PTPRG: variants seen among roughly 807,000 people sequenced by gnomAD.
PTPRG encodes the protein receptor-type tyrosine-protein phosphatase gamma.
PTPRG carries 102 observed loss-of-function variants against 165.3 expected under a neutral mutation model. That is an observed-to-expected ratio of 0.62 (90% CI 0.53 to 0.73). The LOEUF (loss-of-function observed/expected upper bound fraction) is 0.73. Among genes scored for constraint, PTPRG ranks in the 30% least tolerant of loss-of-function variants. The pLI is 0.00. For synonymous variants in PTPRG, 675 were observed against 669.5 expected (o/e 1.01, Z -0.13); for missense variants, 1,866 against 1,861.4 (o/e 1.00, Z -0.05).
At chr3:62,279,671 C>T (rs1449750798) in intron 26 of PTPRG, among the ~76,000 whole-genome samples, 1 of 151,960 alleles carries the variant, frequency 6.6e-6, no homozygotes, top group Non-Finnish European at 1.5e-5. Flanking sequence ...TAGACTAAAC[C>T]CAGTTGCTAA....
At chr3:62,275,156 T>C (rs1332925918) in intron 23 of PTPRG, among the ~76,000 whole-genome samples, 1 of 152,170 alleles carries the variant, frequency 6.6e-6, no homozygotes, top group Non-Finnish European at 1.5e-5. Context: ...TCAACCAAGC[T>C]ACATAAACAG....
At chr3:61,960,090 T>C (rs892796931) in intron 2 of PTPRG, among the ~76,000 whole-genome samples, 1 of 152,202 alleles carries the variant, frequency 6.6e-6, no homozygotes, top group African/African-American at 2.4e-5. Context: ...TTGATATTTT[T>C]ATTTCACATT....
At chr3:62,144,928 A>G (rs966892516) in intron 6 of PTPRG, among the ~76,000 whole-genome samples, 1 of 152,014 alleles carries the variant, frequency 6.6e-6, no homozygotes, top group African/African-American at 2.4e-5. Context: ...TTGTTTGTCA[A>G]TATTTTATCG....
At chr3:62,265,039 A>AT (rs1387153267) in intron 17 of PTPRG, among the ~76,000 whole-genome samples, 2 of 150,898 alleles carry the variant, frequency 1.3e-5, no homozygotes, top group African/African-American at 2.4e-5. Context: ...GTCCCCAATT[A>AT]TTAGTGATGT....
At chr3:62,073,595 C>G (rs1432300803) in intron 4 of PTPRG, among the ~76,000 whole-genome samples, 2 of 152,082 alleles carry the variant, frequency 1.3e-5, no homozygotes, top group African/African-American at 4.8e-5. Flanking sequence ...TCTCCTGCCT[C>G]AGCCTCCCAA....
intron 19 of PTPRG, among the ~76,000 whole-genome samples, chr3:62,268,536 C>G (rs1037159811): frequency 1.3e-5 from 2 of 152,050 alleles, no homozygotes; most frequent in African/African-American, 4.8e-5. Context: ...AAAGAACCTA[C>G]GCTTCAGGTT....
rs575550698 is a variant in PTPRG at position 62,168,171 on chromosome 3, T to A, written c.1033+8T>A. 1.2e-6 allele frequency: 2 copies of A among 1,601,428 alleles called. No homozygotes were observed. Among genetic ancestry groups the A allele is most frequent in the Non-Finnish European group, 1.7e-6 (2 of 1,173,540 alleles). On this transcript the variant is annotated splice_region_variant and intron_variant, in intron 8 of 29. Transcript: ENST00000474889. The stretch of plus-strand genomic sequence containing the variant: ...GGACAGAAGCCTCTAAAGGTATATT[T>A]GGCTTAAGTGCCTTGCCCAGAGGAA...
At chr3:61,876,423 C>T (rs1311195239) in intron 2 of PTPRG, among the ~76,000 whole-genome samples, 2 of 152,174 alleles carry the variant, frequency 1.3e-5, no homozygotes, top group African/African-American at 2.4e-5. Flanking sequence ...CTGTCACGCT[C>T]GTGTCAATTT....
chr3:61,634,353 C>T (rs1200322876), intron 1 of PTPRG, among the ~76,000 whole-genome samples: 2 of 152,000 alleles, frequency 1.3e-5, no homozygotes, highest in Non-Finnish European at 2.9e-5. Context: ...TTCTTCTTGC[C>T]TCAGCCTCCC....
intron 4 of PTPRG, among the ~76,000 whole-genome samples, chr3:62,056,911 C>G (rs758645828): frequency 5.9e-5 from 9 of 152,052 alleles, no homozygotes; most frequent in African/African-American, 1.9e-4. Flanking sequence ...TTCATGGACA[C>G]GAGAAGGAGG....
At chr3:61,886,477 G>T (rs893037332) in intron 2 of PTPRG, among the ~76,000 whole-genome samples, 1 of 152,140 alleles carries the variant, frequency 6.6e-6, no homozygotes, top group African/African-American at 2.4e-5. Context: ...TCAGTGACTA[G>T]GAGTCAGTAA....
At chr3:61,831,811 A>G (rs1272249600) in intron 2 of PTPRG, among the ~76,000 whole-genome samples, 2 of 152,216 alleles carry the variant, frequency 1.3e-5, no homozygotes, top group African/African-American at 4.8e-5. Flanking sequence ...ATAGTTTTTC[A>G]TAAGAATTGC....
chr3:61,605,412 C>A (rs571986012), intron 1 of PTPRG, among the ~76,000 whole-genome samples: 1 of 151,844 alleles, frequency 6.6e-6, no homozygotes, highest in African/African-American at 2.4e-5. Context: ...CACACCACCA[C>A]ACCCAGCTAA....
chr3:61,725,710 CTTTT>C (rs10581346), intron 1 of PTPRG, among the ~76,000 whole-genome samples: 8 of 137,270 alleles, frequency 5.8e-5, no homozygotes, highest in East Asian at 2.2e-4. Flanking sequence ...CTACCCCCAC[CTTTT>C]TTTTTTTTTT....
intron 1 of PTPRG, among the ~76,000 whole-genome samples, chr3:61,673,840 T>C (rs1300653130): frequency 6.6e-6 from 1 of 152,126 alleles, no homozygotes; most frequent in African/African-American, 2.4e-5. Flanking sequence ...TGGTAGGAAA[T>C]AGAAACTTGG....
intron 2 of PTPRG, among the ~76,000 whole-genome samples, chr3:61,926,609 C>CTCCCTCCCTCCCTCCCTCCCTACT (rs1335655029): frequency 1.1e-5 from 1 of 94,788 alleles, no homozygotes. Context: ...CCCTCCCTCC[C>CTCCCTCCCTCCCTCCCTCCCTACT]TCCTTCCTTC....
chr3:61,838,412 G>T (rs113828289), intron 2 of PTPRG, among the ~76,000 whole-genome samples: 364 of 152,240 alleles, frequency 2.4e-3, no homozygotes, highest in African/African-American at 8.3e-3. Flanking sequence ...TTCAAAATAA[G>T]ATGGCCAAAT....
intron 2 of PTPRG, among the ~76,000 whole-genome samples, chr3:61,834,393 T>C (rs552242891): frequency 6.6e-5 from 10 of 152,282 alleles, no homozygotes; most frequent in African/African-American, 7.2e-5. Flanking sequence ...TTGAGCTTAA[T>C]TGATTTAAAA....
chr3:61,684,931 C>T (rs939547369), intron 1 of PTPRG, among the ~76,000 whole-genome samples: 1 of 152,128 alleles, frequency 6.6e-6, no homozygotes, highest in Non-Finnish European at 1.5e-5. Flanking sequence ...CCTTCCCTGC[C>T]ATTGACTGAC....
Sources: allele counts gnomAD v4.1 joint callset (sites outside exome capture counted in the v4.1 genomes callset), GRCh38; gene constraint gnomAD v4.1.1; transcripts MANE v1.5; gene names NCBI Gene and HGNC (gene_info 2026-07-23, HGNC 2026-07-21).